Variants in IL1F10 observed in about 807,000 individuals in gnomAD.
IL1F10 encodes the protein interleukin 1 family member 10.
A neutral mutation model predicts 13.1 loss-of-function variants in IL1F10; 13 were observed. The observed-to-expected ratio is 0.99, with a 90% confidence interval of 0.64 to 1.57. The LOEUF is 1.57. Ranked by LOEUF, IL1F10 falls within the 40% of genes most tolerant of loss-of-function variation. The probability of loss-of-function intolerance (pLI) is 0.00; values close to 1 mark genes in which losing one functional copy is unlikely to be tolerated. For synonymous variants in IL1F10, 78 were observed against 68.2 expected (o/e 1.14, Z -0.71); for missense variants, 191 against 184.1 (o/e 1.04, Z -0.22).
At chr2:113,071,501 C>T (rs1340278275) in intron 1 of IL1F10, among the ~76,000 whole-genome samples, 1 of 152,184 alleles carries the variant, frequency 6.6e-6, no homozygotes, top group Non-Finnish European at 1.5e-5. Context: ...CACCAACATC[C>T]CTCCAGAATT....
rs1463827180 is a variant in IL1F10, at chr2:113,072,519, G to A, written c.-28-192G>A. ...CTGGACTTGCTCCCGGATAGCCTCA[G>A]TCAGGGAGAGGCAGAGCTGCCTGGA... On this transcript the variant is annotated intron_variant, in intron 1 of 4. Transcript: ENST00000341010. 9 of 533,200 alleles carry A rather than the reference G, an allele frequency of 1.7e-5. No homozygotes were observed. The East Asian group carries it at 2.6e-4, about 16-fold the overall frequency. 33.0% of individuals were successfully genotyped at this position (533,200 alleles called of 1,614,324 possible).
intron 1 of IL1F10, among the ~76,000 whole-genome samples, chr2:113,068,906 T>C (rs982615973): frequency 1.3e-5 from 2 of 152,202 alleles, no homozygotes; most frequent in African/African-American, 4.8e-5. Context: ...AGAAAGAACC[T>C]TCATAACCAC....
chr2:113,075,602 C>A lies in IL1F10; in HGVS notation c.*238C>A, dbSNP rs1337623201. The A allele has an allele frequency of 6.0e-6, 2 of 335,700 alleles. No homozygotes were observed. Among genetic ancestry groups the A allele is most frequent in the Non-Finnish European group, 1.1e-5 (2 of 186,398 alleles). 20.8% of individuals were successfully genotyped at this position (335,700 alleles called of 1,614,324 possible). ...GCTCAGTTTAATCACAAGAAGGAGG[C>A]AGGAAGGGAGAGTCAGAGAGAGAAT... On this transcript the variant is annotated 3_prime_UTR_variant, in exon 5 of 5. Transcript: ENST00000341010.
At chr2:113,072,997 G>A (rs1685867062) in intron 2 of IL1F10, among the ~76,000 whole-genome samples, 1 of 152,198 alleles carries the variant, frequency 6.6e-6, no homozygotes, top group South Asian at 2.1e-4. Flanking sequence ...TAAGTGGAGT[G>A]TTATTAAACC....
At chr2:113,069,564 G>A in intron 1 of IL1F10, among the ~76,000 whole-genome samples, 1 of 152,228 alleles carries the variant, frequency 6.6e-6, no homozygotes, top group East Asian at 1.9e-4. Flanking sequence ...GGAGGAATGT[G>A]TGGGCTGGGA....
At chr2:113,069,739 C>A (rs1281426039) in intron 1 of IL1F10, among the ~76,000 whole-genome samples, 1 of 152,100 alleles carries the variant, frequency 6.6e-6, no homozygotes, top group African/African-American at 2.4e-5. Flanking sequence ...CAATGAATTG[C>A]AGCTTAATAT....
chr2:113,069,771 G>A (rs1685799373), intron 1 of IL1F10, among the ~76,000 whole-genome samples: 1 of 152,190 alleles, frequency 6.6e-6, no homozygotes, highest in African/African-American at 2.4e-5. Flanking sequence ...GAAGTGCTTA[G>A]GACCTTGTTA....
In IL1F10 at chr2:113,074,406, G is replaced by A. The variant is rs775485129; in HGVS notation, c.110G>A (p.Cys37Tyr). 7.8e-5 allele frequency: 126 copies of A among 1,612,928 alleles called. No individual in the cohort carries two copies. The highest frequency in any genetic ancestry group is 1.0e-4 in the Non-Finnish European group (122 of 1,179,148). The change falls in exon 3 of 5, where the codon TGC becomes TAC. Residue 37 changes from cysteine to tyrosine, a missense_variant. Coordinates refer to ENST00000341010, the MANE Select transcript of IL1F10 (RefSeq NM_173161.3). Reference sequence around the variant, plus strand: ...GTGGGAGATCCTGTTGCAGACAACTGCTGTGCAGGTGAGCTTCTGGGGCCT... The same window carrying A: ...GTGGGAGATCCTGTTGCAGACAACTACTGTGCAGGTGAGCTTCTGGGGCCT... ...LLVGDPVADN[C>Y]CAEKICILPN...
Position 113,072,893 on chromosome 2 carries a change from A to C in IL1F10, c.32+123A>C, listed in dbSNP as rs2105078122. The C allele has an allele frequency of 5.2e-6, 4 of 771,656 alleles. No homozygotes were observed. In the South Asian group the frequency reaches 6.5e-5, roughly 13 times the overall value. The allele number at this position is 771,656 out of a possible 1,614,324, so 47.8% of individuals were successfully genotyped here. ...TAGAAATTGCAAGTGCCCCATAATTAAGCTTCATCATCACCACAGTAGCAA... is the reference window on the plus strand; with the variant it reads ...TAGAAATTGCAAGTGCCCCATAATTCAGCTTCATCATCACCACAGTAGCAA... On this transcript the variant is annotated intron_variant, in intron 2 of 4. Transcript: ENST00000341010.
intron 1 of IL1F10, 62 bp from the exon 2 acceptor site, chr2:113,072,649 C>A: frequency 8.7e-7 from 1 of 1,148,882 alleles, no homozygotes; most frequent in Non-Finnish European, 1.3e-6. Context: ...TAAGCCCCAG[C>A]ACGTCTGCCT....
chr2:113,072,922 C>G (rs1685865609), intron 2 of IL1F10, 152 bp downstream of exon 2: 1 of 661,922 alleles, frequency 1.5e-6, no homozygotes, highest in African/African-American at 1.8e-5. Flanking sequence ...GTAGCAACAG[C>G]TCTTTCCTGA....
At position 113,074,378 on chromosome 2, in the gene IL1F10, C is replaced by T. The variant is rs1685896296; in HGVS notation, c.82C>T (p.Leu28=). Reference sequence around the variant, plus strand: ...TCTATACACAAGAGATGGCCAGCTGCTGGTGGGAGATCCTGTTGCAGACAA... The same window carrying T: ...TCTATACACAAGAGATGGCCAGCTGTTGGTGGGAGATCCTGTTGCAGACAA... ...KALYTRDGQL[L]VGDPVADNCC... is the part of the protein sequence containing the mutation. Residue 28 remains leucine, a synonymous_variant, in exon 3 of 5, where the codon CTG becomes TTG. Coordinates refer to ENST00000341010, the MANE Select transcript of IL1F10 (RefSeq NM_173161.3). 2 of 1,613,848 alleles carry T rather than the reference C, an allele frequency of 1.2e-6. No individual in the cohort carries two copies. Among genetic ancestry groups the T allele is most frequent in the South Asian group, 1.1e-5 (1 of 91,068 alleles).
Position 113,074,755 on chromosome 2 carries a change from G to T in IL1F10, c.151G>T (p.Ala51Ser), listed in dbSNP as rs1444574039. The stretch of plus-strand genomic sequence containing the variant: ...CTGCATACTTCCTAACAGAGGCTTG[G>T]CCCGCACCAAGGTCCCCATTTTCCT... ...KICILPNRGL[A>S]RTKVPIFLGI... The change falls in exon 4 of 5, where the codon GCC becomes TCC. Residue 51 changes from alanine to serine, a missense_variant. Physicochemically the swap from Ala to Ser is moderately conservative, Grantham distance 99. Transcript: ENST00000341010. 1.9e-6 allele frequency: 3 copies of T among 1,613,860 alleles called. No homozygotes were observed. Among genetic ancestry groups the T allele is most frequent in the East Asian group, 2.2e-5 (1 of 44,870 alleles).
chr2:113,068,294 G>A (rs1685776773), intron 1 of IL1F10, among the ~76,000 whole-genome samples: 2 of 151,694 alleles, frequency 1.3e-5, no homozygotes, highest in Non-Finnish European at 2.9e-5. Context: ...CTGGGCCAAT[G>A]GTATTCAAAC....
rs951632604 is a variant in IL1F10 at position 113,072,706 on chromosome 2, A to G, written c.-28-5A>G. On this transcript the variant is annotated splice_polypyrimidine_tract_variant and splice_region_variant and intron_variant, in intron 1 of 4. Transcript: ENST00000341010. ...TTCTAACTGCCCTTCTCTCCTCCCC[A>G]TCAGTGAGGACCAGACACCACTGAT... The G allele has an allele frequency of 8.8e-6, 14 of 1,599,812 alleles. No individual in the cohort carries two copies. The highest frequency in any genetic ancestry group is 1.1e-5 in the Non-Finnish European group (13 of 1,168,336).
chr2:113,068,181 A>G (rs528792417), intron 1 of IL1F10, among the ~76,000 whole-genome samples, 165 bp downstream of exon 1: 32 of 152,344 alleles, frequency 2.1e-4, no homozygotes, highest in South Asian at 1.2e-3. Context: ...AACATTTAGG[A>G]GCACATAAAG....
chr2:113,074,990 G>A, intron 4 of IL1F10, 140 bp downstream of exon 4: 1 of 1,236,808 alleles, frequency 8.1e-7, no homozygotes, highest in Non-Finnish European at 1.1e-6. Flanking sequence ...ATCTCCCTCT[G>A]CACCTAGCAC....
At chr2:113,070,232 T>TCGGCACA (rs1685809571) in intron 1 of IL1F10, among the ~76,000 whole-genome samples, 1 of 152,110 alleles carries the variant, frequency 6.6e-6, no homozygotes, top group African/African-American at 2.4e-5. Context: ...CAGCAGAGGT[T>TCGGCACA]CAGCACCAAG....
intron 1 of IL1F10, among the ~76,000 whole-genome samples, chr2:113,070,185 G>A (rs1459117210): frequency 6.6e-6 from 1 of 152,154 alleles, no homozygotes; most frequent in African/African-American, 2.4e-5. Flanking sequence ...AAGCTTTGGG[G>A]GTGAGGCATG....
Sources: allele counts gnomAD v4.1 joint callset (sites outside exome capture counted in the v4.1 genomes callset), GRCh38; gene constraint gnomAD v4.1.1; transcripts MANE v1.5; gene names NCBI Gene and HGNC (gene_info 2026-07-23, HGNC 2026-07-21).